The following UGT1A6 variants were observed in gnomAD, a reference collection of about 807,000 sequenced individuals.
The protein encoded by UGT1A6 is UDP glucuronosyltransferase family 1 member A6.
UGT1A6 carries 32 observed loss-of-function variants against 44.4 expected under a neutral mutation model. The ratio of observed to expected loss-of-function variants is 0.72; its 90% CI spans 0.54 to 0.97. The LOEUF (loss-of-function observed/expected upper bound fraction) is 0.97, where lower values mean the gene tolerates loss of function less well. UGT1A6 is among the 50% of genes least tolerant of loss of function. UGT1A6 has a pLI of 0.00. For missense variants in UGT1A6, 685 were observed against 661.9 expected (o/e 1.03, Z -0.38); for synonymous variants, 238 against 248.5 (o/e 0.96, Z 0.40).
intron 1 of UGT1A6, chr2:233,753,536 C>G (rs1575719144): frequency 6.6e-6 from 1 of 152,188 alleles, no homozygotes. Flanking sequence ...CTCATGCAAA[C>G]TTTTCCTCAG....
chr2:233,771,260 C>CT (rs891018282), intron 4 of UGT1A6: 6 of 151,570 alleles, frequency 4.0e-5, no homozygotes, highest in Admixed American at 6.6e-5. Flanking sequence ...ATAGGAGTGC[C>CT]TTTTTTTTTC....
Position 233,767,956 on chromosome 2 carries a change from T to A in UGT1A6, c.1081+20T>A. 6.2e-7 allele frequency: 1 copy of A among 1,614,192 alleles called. No individual in the cohort carries two copies. Among genetic ancestry groups the A allele is most frequent in the Non-Finnish European group, 8.5e-7 (1 of 1,180,026 alleles). ...TGCTTGGTATGTTGGGCGGATTGGATGTATAGGTCAAACCAGGGTCAAATT... is the reference window on the plus strand; with the variant it reads ...TGCTTGGTATGTTGGGCGGATTGGAAGTATAGGTCAAACCAGGGTCAAATT... On this transcript the variant is annotated intron_variant, in intron 3 of 4. Transcript: ENST00000305139.
chr2:233,742,574 G>A lies in UGT1A6; in HGVS notation c.862-24460G>A, dbSNP rs544718368. On this transcript the variant is annotated intron_variant, in intron 1 of 4. Coordinates refer to ENST00000305139, the MANE Select transcript of UGT1A6 (RefSeq NM_001072.4). ...TAGGGGCCAGCTTCTGGCCGGAATT[G>A]GGGGCTTATCCCCAGCAACCTACCA... Among the ~76,000 whole-genome samples the A allele has an allele frequency of 5.3e-5, 8 of 151,892 alleles. No homozygotes were observed. In the South Asian group the frequency reaches 1.7e-3, roughly 31 times the overall value.
chr2:233,693,818 G>C lies in UGT1A6; in HGVS notation c.814G>C (p.Val272Leu), dbSNP rs766165182. ...TCCTAGGCCGGTCATGCCCAACATG[G>C]TCTTCATTGGAGGTATCAACTGTAA... ...EYPRPVMPNM[V>L]FIGGINCKKR... The change falls in exon 1 of 5, where the codon GTC (valine) becomes CTC (leucine). Residue 272 changes from valine (V) to leucine (L), a missense_variant. Transcript: ENST00000305139. 4 of 1,614,200 alleles carry C rather than the reference G, an allele frequency of 2.5e-6. No homozygotes were observed. The highest frequency in any genetic ancestry group is 3.4e-6 in the Non-Finnish European group (4 of 1,180,042).
chr2:233,728,963 A>G (rs747345180), intron 1 of UGT1A6: 195 of 1,450,970 alleles, frequency 1.3e-4, no homozygotes, highest in Non-Finnish European at 1.6e-4. Flanking sequence ...AGTGAAAAAC[A>G]GTGATAGATT....
intron 1 of UGT1A6, among the ~76,000 whole-genome samples, chr2:233,700,387 T>C (rs887496616): frequency 6.6e-6 from 1 of 152,216 alleles, no homozygotes; most frequent in African/African-American, 2.4e-5. Flanking sequence ...TCCAGGCATG[T>C]GGAACATTTT....
chr2:233,752,662 G>T (rs1695027689), intron 1 of UGT1A6: 5 of 152,258 alleles, frequency 3.3e-5, no homozygotes, highest in Admixed American at 2.0e-4. Flanking sequence ...TGAGGAGGAA[G>T]GATCACTTGA....
rs770923488 is a variant in UGT1A6 at position 233,692,986 on chromosome 2, T to G, written c.-19T>G. On this transcript the variant is annotated 5_prime_UTR_variant, in exon 1 of 5. Coordinates refer to ENST00000305139, the MANE Select transcript of UGT1A6 (RefSeq NM_001072.4). ...AGTGAAAACTCTTTATTACCGTTGT[T>G]ACTTTAACTCTTTCCAGGATGGCCT... 4 of 1,613,542 alleles carry G rather than the reference T, an allele frequency of 2.5e-6. No homozygotes were observed. In the East Asian group the frequency reaches 8.9e-5, roughly 36 times the overall value.
intron 1 of UGT1A6, among the ~76,000 whole-genome samples, chr2:233,711,406 G>T (rs931347062): frequency 6.6e-6 from 1 of 152,222 alleles, no homozygotes; most frequent in Non-Finnish European, 1.5e-5. Flanking sequence ...CCTCACCCCG[G>T]GCTCATCAGG....
At chr2:233,729,133 A>C (rs1363274885) in intron 1 of UGT1A6, 1 of 1,613,118 alleles carries the variant, frequency 6.2e-7, no homozygotes, top group Non-Finnish European at 8.5e-7. Flanking sequence ...TGAGATGGCC[A>C]CAGGACTCCA....
chr2:233,704,993 G>C (rs973779449), intron 1 of UGT1A6, among the ~76,000 whole-genome samples: 1 of 152,050 alleles, frequency 6.6e-6, no homozygotes, highest in Non-Finnish European at 1.5e-5. Context: ...GAAATTAGCC[G>C]GGTATGGTGG....
At chr2:233,731,885 AT>A (rs2078216460) in intron 1 of UGT1A6, among the ~76,000 whole-genome samples, 2 of 152,268 alleles carry the variant, frequency 1.3e-5, no homozygotes, top group South Asian at 2.1e-4. Context: ...GGTTGAACTA[AT>A]TTACACTCCC....
In UGT1A6 at chr2:233,693,062, C is replaced by T; in HGVS notation, c.58C>T (p.Leu20Phe). 1 of 1,614,140 alleles carries T rather than the reference C, an allele frequency of 6.2e-7. No individual in the cohort carries two copies. The highest frequency in any genetic ancestry group is 8.5e-7 in the Non-Finnish European group (1 of 1,180,024). Residue 20 changes from leucine to phenylalanine, a missense_variant, in exon 1 of 5, where the codon CTT becomes TTT. Leu to Phe is a conservative substitution (Grantham distance 22). Coordinates refer to ENST00000305139, the MANE Select transcript of UGT1A6 (RefSeq NM_001072.4). ...TTCTGCAGGGGTTTTCTTCTTAGCA[C>T]TTTGGGGCATGGTTGTAGGTGACAA... ...RISAGVFFLA[L>F]WGMVVGDKLL...
intron 1 of UGT1A6, among the ~76,000 whole-genome samples, chr2:233,761,536 A>G (rs1039884807): frequency 6.6e-6 from 1 of 152,248 alleles, no homozygotes; most frequent in Non-Finnish European, 1.5e-5. Context: ...TGATGAAATC[A>G]TTCTTTGATG....
intron 1 of UGT1A6, among the ~76,000 whole-genome samples, chr2:233,739,298 C>T (rs11691827): frequency 0.094 from 14,308 of 152,206 alleles, 1,367 homozygotes; most frequent in African/African-American, 0.26. Flanking sequence ...CACTGGGGCA[C>T]TGCCTAGTGG....
intron 1 of UGT1A6, among the ~76,000 whole-genome samples, chr2:233,700,879 C>CA (rs1321841982): frequency 6.6e-6 from 1 of 152,082 alleles, no homozygotes; most frequent in African/African-American, 2.4e-5. Flanking sequence ...CTCCTCCCCC[C>CA]ACCCCACAAC....
intron 1 of UGT1A6, chr2:233,743,354 T>A: frequency 5.1e-6 from 5 of 972,108 alleles, no homozygotes. Flanking sequence ...GACATGGACT[T>A]GAAGCTGCCT....
intron 1 of UGT1A6, chr2:233,755,182 A>C (rs1337694117): frequency 1.7e-5 from 20 of 1,204,654 alleles, no homozygotes; most frequent in Non-Finnish European, 1.7e-5. Context: ...TCGGGGTGCC[A>C]CTTGAGCGCC....
At chr2:233,708,319 A>T (rs1235023538) in intron 1 of UGT1A6, 1 of 152,194 alleles carries the variant, frequency 6.6e-6, no homozygotes, top group African/African-American at 2.4e-5. Flanking sequence ...ATAGGTAAAA[A>T]ATATCTCAAG....
Sources: allele counts gnomAD v4.1 joint callset (sites outside exome capture counted in the v4.1 genomes callset), GRCh38; gene constraint gnomAD v4.1.1; transcripts MANE v1.5; gene names NCBI Gene and HGNC (gene_info 2026-07-23, HGNC 2026-07-21).